Variants in ADARB2 observed in about 807,000 individuals in gnomAD.
ADARB2 encodes the protein adenosine deaminase RNA specific B2 (inactive).
Under a neutral mutation model 62.2 loss-of-function variants are expected in ADARB2, and 25 were observed. The observed-to-expected ratio is 0.40, with a 90% CI of 0.29 to 0.56. The LOEUF (loss-of-function observed/expected upper bound fraction) is 0.56. ADARB2 is among the 20% of genes least tolerant of loss of function. The pLI is 0.43. For missense variants in ADARB2, 1,071 were observed against 1,077.4 expected (o/e 0.99, Z 0.08); for synonymous variants, 572 against 500.8 (o/e 1.14, Z -1.90).
At chr10:1,389,784 T>TAAATAAATAATA (rs869033698) in intron 1 of ADARB2, among the ~76,000 whole-genome samples, 47 of 146,868 alleles carry the variant, frequency 3.2e-4, no homozygotes, top group African/African-American at 1.1e-3. Context: ...AATAAATAAA[T>TAAATAAATAATA]AATAAATAAA....
intron 3 of ADARB2, among the ~76,000 whole-genome samples, chr10:1,350,513 G>C (rs1427689183): frequency 2.0e-5 from 3 of 152,096 alleles, no homozygotes; most frequent in African/African-American, 7.2e-5. Flanking sequence ...TCCGTGACTA[G>C]CTCTCCCCCA....
chr10:1,457,815 A>G (rs1168142291), intron 1 of ADARB2, among the ~76,000 whole-genome samples: 1 of 151,966 alleles, frequency 6.6e-6, no homozygotes, highest in African/African-American at 2.4e-5. Context: ...CACCCTGACA[A>G]TGTCAATGAC....
intron 3 of ADARB2, among the ~76,000 whole-genome samples, chr10:1,362,148 C>T (rs181747120): frequency 6.6e-6 from 1 of 152,334 alleles, no homozygotes; most frequent in East Asian, 1.9e-4. Context: ...AGAGCTGAAT[C>T]AAATGGAAAT....
intron 3 of ADARB2, among the ~76,000 whole-genome samples, chr10:1,345,200 G>A (rs946929603): frequency 2.0e-5 from 3 of 152,016 alleles, no homozygotes; most frequent in Non-Finnish European, 4.4e-5. Context: ...CCCCTCACGA[G>A]GCCTCGTCAG....
At chr10:1,524,020 C>T (rs1832107771) in intron 1 of ADARB2, among the ~76,000 whole-genome samples, 2 of 151,844 alleles carry the variant, frequency 1.3e-5, no homozygotes, top group South Asian at 4.2e-4. Flanking sequence ...TTAATTTATT[C>T]AGCACTTACT....
At chr10:1,549,698 T>C (rs1376429730) in intron 1 of ADARB2, among the ~76,000 whole-genome samples, 1 of 151,932 alleles carries the variant, frequency 6.6e-6, no homozygotes, top group Non-Finnish European at 1.5e-5. Flanking sequence ...GCCAAACCCA[T>C]TGTCCCCATC....
chr10:1,261,312 T>C lies in ADARB2; in HGVS notation c.1192+9643A>G, dbSNP rs9419481. ...GACAAAATTGACAAATGGGATCTAA[T>C]TAAACTAAAGAGCTTCTGCACAGCA... On this transcript the variant is annotated intron_variant, in intron 4 of 9. Transcript: ENST00000381312. 2.7e-4 allele frequency among the ~76,000 whole-genome samples: 41 copies of C among 149,972 alleles called. 1 individual carries two copies. Among genetic ancestry groups the C allele is most frequent in the African/African-American group, 4.2e-4 (17 of 40,110 alleles).
At chr10:1,212,115 C>T (rs912999579) in intron 7 of ADARB2, among the ~76,000 whole-genome samples, 1 of 152,204 alleles carries the variant, frequency 6.6e-6, no homozygotes, top group African/African-American at 2.4e-5. Context: ...CTCCACAGAG[C>T]CCTGACTGTC....
At chr10:1,362,732 A>G (rs1027780503) in intron 3 of ADARB2, among the ~76,000 whole-genome samples, 2 of 152,118 alleles carry the variant, frequency 1.3e-5, no homozygotes, top group African/African-American at 4.8e-5. Flanking sequence ...CCAGTCACGG[A>G]CGAAACCTGG....
At chr10:1,733,207 C>T (rs1835255698) in intron 1 of ADARB2, among the ~76,000 whole-genome samples, 1 of 152,212 alleles carries the variant, frequency 6.6e-6, no homozygotes, top group African/African-American at 2.4e-5. Flanking sequence ...CTTCTAAAAC[C>T]CCAGCCTCCA....
chr10:1,723,796 A>T (rs999911231), intron 1 of ADARB2, among the ~76,000 whole-genome samples: 1 of 152,214 alleles, frequency 6.6e-6, no homozygotes, highest in Non-Finnish European at 1.5e-5. Flanking sequence ...CGTGGCAAAG[A>T]CATCAAGGGG....
chr10:1,367,116 A>G (rs1291018464), intron 2 of ADARB2, among the ~76,000 whole-genome samples: 1 of 152,158 alleles, frequency 6.6e-6, no homozygotes, highest in Non-Finnish European at 1.5e-5. Flanking sequence ...GGCACAAAAG[A>G]TGCCCTTGAA....
chr10:1,289,767 C>T lies in ADARB2; in HGVS notation c.1078-18698G>A, dbSNP rs190132342. 3.6e-3 allele frequency among the ~76,000 whole-genome samples: 546 copies of T among 152,372 alleles called. 2 individuals are homozygous for T. Among genetic ancestry groups the T allele is most frequent in the Non-Finnish European group, 6.2e-3 (424 of 68,036 alleles). Reference sequence around the variant, plus strand: ...CAGGATCCAGCCCCTGGGGGGACCGCCCGACCTTCACTCCACGGTGGGTGT... The same window carrying T: ...CAGGATCCAGCCCCTGGGGGGACCGTCCGACCTTCACTCCACGGTGGGTGT... On this transcript the variant is annotated intron_variant, in intron 3 of 9. Transcript: ENST00000381312.
At chr10:1,183,839 A>G (rs1836713811) in intron 9 of ADARB2, among the ~76,000 whole-genome samples, 1 of 152,142 alleles carries the variant, frequency 6.6e-6, no homozygotes. Flanking sequence ...TGATACCCCC[A>G]CCACGGGGCA....
chr10:1,391,162 G>C (rs1415241932), intron 1 of ADARB2, among the ~76,000 whole-genome samples: 3 of 152,174 alleles, frequency 2.0e-5, no homozygotes, highest in Non-Finnish European at 4.4e-5. Flanking sequence ...AGCTGACTGG[G>C]ATTGCAATGC....
chr10:1,405,922 C>A (rs773782591), intron 1 of ADARB2, among the ~76,000 whole-genome samples: 5 of 151,638 alleles, frequency 3.3e-5, no homozygotes, highest in African/African-American at 1.2e-4. Context: ...TAGATACACC[C>A]GTTTATTAAA....
At chr10:1,634,358 G>T (rs1833888935) in intron 1 of ADARB2, among the ~76,000 whole-genome samples, 1 of 152,190 alleles carries the variant, frequency 6.6e-6, no homozygotes, top group African/African-American at 2.4e-5. Context: ...GACTCTCCAG[G>T]TGTCCAGCCT....
At chr10:1,491,123 A>C (rs1831616194) in intron 1 of ADARB2, among the ~76,000 whole-genome samples, 2 of 152,186 alleles carry the variant, frequency 1.3e-5, no homozygotes, top group Admixed American at 6.5e-5. Flanking sequence ...CCCAGGTTGA[A>C]GGGCAGTGGC....
chr10:1,281,654 C>T (rs572444594), intron 3 of ADARB2, among the ~76,000 whole-genome samples: 1 of 152,316 alleles, frequency 6.6e-6, no homozygotes, highest in East Asian at 1.9e-4. Context: ...CAGAGTGCCC[C>T]AGCATCCTGC....
Sources: gnomAD v4.1 joint callset for allele counts (sites outside exome capture counted in the v4.1 genomes callset) on GRCh38, gnomAD v4.1.1 for gene constraint, MANE v1.5 for transcripts, NCBI Gene and HGNC (gene_info 2026-07-23, HGNC 2026-07-21) for gene names.